SNCAIP: variants seen among roughly 807,000 people sequenced by gnomAD.
SNCAIP encodes the protein synphilin-1.
A neutral mutation model predicts 86.7 loss-of-function variants in SNCAIP; 43 were observed. That is an observed-to-expected ratio of 0.50 (90% CI 0.39 to 0.64). SNCAIP has a LOEUF of 0.64. Among genes scored for constraint, SNCAIP ranks in the 30% least tolerant of loss-of-function variants. The pLI, the probability that SNCAIP is intolerant of heterozygous loss-of-function variation, is 0.00. For missense variants in SNCAIP, 981 were observed against 1,103.1 expected (o/e 0.89, Z 1.57); for synonymous variants, 417 against 427.2 (o/e 0.98, Z 0.29).
chr5:122,462,453 A>G (rs963716507), intron 10 of SNCAIP, among the ~76,000 whole-genome samples: 3 of 152,158 alleles, frequency 2.0e-5, no homozygotes, highest in African/African-American at 7.2e-5. Flanking sequence ...ATCATGTTTA[A>G]TTGGAATCTC....
intron 10 of SNCAIP, among the ~76,000 whole-genome samples, chr5:122,457,800 C>T (rs1372140732): frequency 1.3e-5 from 2 of 152,170 alleles, no homozygotes; most frequent in African/African-American, 4.8e-5. Context: ...ATGAATTAAG[C>T]GACAGTTCCT....
intron 1 of SNCAIP, among the ~76,000 whole-genome samples, chr5:122,372,496 G>T (rs1199477783): frequency 2.6e-5 from 4 of 152,128 alleles, no homozygotes; most frequent in Non-Finnish European, 5.9e-5. Flanking sequence ...ACAAGCAAAT[G>T]CAGTAGAGGG....
rs938162566 is a variant in SNCAIP, at chr5:122,443,696, A to G, written c.1423-867A>G. On this transcript the variant is annotated intron_variant, in intron 7 of 10. Coordinates refer to ENST00000261368, the MANE Select transcript of SNCAIP (RefSeq NM_005460.4). ...AAGGACAAGAAGGAGGTATGAAGAG[A>G]AAAAGTCCGGTATCTCTTTGCTTAA... is the stretch of plus-strand genomic sequence containing the variant. The G allele has an allele frequency of 2.4e-5, 11 of 455,180 alleles. No individual in the cohort carries two copies. In the Admixed American group the frequency reaches 2.6e-4, roughly 11 times the overall value. 28.2% of individuals were successfully genotyped at this position (455,180 alleles called of 1,614,324 possible).
intron 1 of SNCAIP, among the ~76,000 whole-genome samples, chr5:122,343,852 A>G (rs1657061354): frequency 6.6e-6 from 1 of 152,224 alleles, no homozygotes; most frequent in Admixed American, 6.5e-5. Context: ...CTGGCTGAGA[A>G]CCAGTTCTTG....
chr5:122,332,446 C>G (rs985897257), intron 1 of SNCAIP, among the ~76,000 whole-genome samples: 1 of 152,188 alleles, frequency 6.6e-6, no homozygotes, highest in Admixed American at 6.6e-5. Context: ...TTGAAGCATA[C>G]CTGCCAAATC....
intron 1 of SNCAIP, among the ~76,000 whole-genome samples, chr5:122,367,934 A>C (rs960115557): frequency 6.6e-6 from 1 of 152,148 alleles, no homozygotes; most frequent in Non-Finnish European, 1.5e-5. Context: ...ACATAGGTCT[A>C]TATATATTTT....
chr5:122,377,794 GTTTTT>G (rs1395523236), intron 1 of SNCAIP, among the ~76,000 whole-genome samples: 69 of 147,736 alleles, frequency 4.7e-4, no homozygotes, highest in Non-Finnish European at 8.2e-4. Flanking sequence ...GCGGTGTTTG[GTTTTT>G]TGTTCTTGCG....
rs116828663 is a variant in SNCAIP, at chr5:122,340,078, C to T, written c.-47+27794C>T. 3.4e-3 allele frequency among the ~76,000 whole-genome samples: 514 copies of T among 152,284 alleles called. 5 individuals are homozygous for T. The highest frequency in any genetic ancestry group is 0.012 in the African/African-American group (495 of 41,564). On this transcript the variant is annotated intron_variant, in intron 1 of 10. Transcript: ENST00000261368. ...CAATATGTTATAGTCATCAGGCACT[C>T]ATAAATTGCCGTTACAAGCTGTTTA...
Position 122,444,550 on chromosome 5 carries a change from C to T in SNCAIP, c.1423-13C>T. The T allele has an allele frequency of 6.2e-7, 1 of 1,612,762 alleles. No individual in the cohort carries two copies. The highest frequency in any genetic ancestry group is 1.7e-4 in the Middle Eastern group (1 of 6,060). ...GAGATGTCCTGATACACATGTCCTTCATTTTCTGACAGACCTTGGTTGAAT... is the reference window on the plus strand; with the variant it reads ...GAGATGTCCTGATACACATGTCCTTTATTTTCTGACAGACCTTGGTTGAAT... On this transcript the variant is annotated splice_polypyrimidine_tract_variant and intron_variant, in intron 7 of 10. Coordinates refer to ENST00000261368, the MANE Select transcript of SNCAIP (RefSeq NM_005460.4).
At chr5:122,368,811 T>C (rs556912912) in intron 1 of SNCAIP, among the ~76,000 whole-genome samples, 1 of 152,288 alleles carries the variant, frequency 6.6e-6, no homozygotes, top group African/African-American at 2.4e-5. Flanking sequence ...CCATTCACTT[T>C]TAATTTGGGG....
intron 1 of SNCAIP, among the ~76,000 whole-genome samples, chr5:122,317,433 G>T (rs954585794): frequency 6.6e-6 from 1 of 152,186 alleles, no homozygotes; most frequent in Admixed American, 6.5e-5. Flanking sequence ...GAGAATTCAG[G>T]ATTAACTTTA....
intron 3 of SNCAIP, among the ~76,000 whole-genome samples, chr5:122,413,135 G>A (rs944077068): frequency 6.6e-6 from 1 of 152,206 alleles, no homozygotes; most frequent in African/African-American, 2.4e-5. Flanking sequence ...ATACTTCTCT[G>A]TAAAACCCCT....
intron 1 of SNCAIP, among the ~76,000 whole-genome samples, chr5:122,314,318 C>T (rs547322862): frequency 1.3e-5 from 2 of 152,314 alleles, no homozygotes; most frequent in Admixed American, 6.5e-5. Context: ...AGATTTAAGG[C>T]ATTTCTTGTC....
intron 1 of SNCAIP, chr5:122,321,202 A>G (rs993602917): frequency 1.3e-5 from 2 of 152,328 alleles, no homozygotes; most frequent in East Asian, 1.9e-4. Flanking sequence ...ATCTTACCCA[A>G]TATAGCCAAA....
At chr5:122,321,804 G>A (rs1455212223) in intron 1 of SNCAIP, 1 of 152,118 alleles carries the variant, frequency 6.6e-6, no homozygotes, top group African/African-American at 2.4e-5. Context: ...TGGACAGGAG[G>A]CATCTCCAGT....
At chr5:122,442,848 C>T (rs1211278885) in intron 7 of SNCAIP, among the ~76,000 whole-genome samples, 1 of 151,808 alleles carries the variant, frequency 6.6e-6, no homozygotes, top group Non-Finnish European at 1.5e-5. Flanking sequence ...GCACTGGGTA[C>T]CATGGAAGTG....
At chr5:122,427,019 C>CACAA (rs1777507201) in intron 5 of SNCAIP, among the ~76,000 whole-genome samples, 1 of 152,150 alleles carries the variant, frequency 6.6e-6, no homozygotes, top group Non-Finnish European at 1.5e-5. Flanking sequence ...TGACAGAGTT[C>CACAA]TGTAGACATC....
chr5:122,316,884 A>G (rs1051883347), intron 1 of SNCAIP, among the ~76,000 whole-genome samples: 1 of 152,204 alleles, frequency 6.6e-6, no homozygotes. Context: ...AGCTTCACAC[A>G]ATTAGTCTGA....
At chr5:122,456,960 T>C (rs1784897706) in intron 10 of SNCAIP, among the ~76,000 whole-genome samples, 1 of 152,090 alleles carries the variant, frequency 6.6e-6, no homozygotes, top group South Asian at 2.1e-4. Flanking sequence ...GACATTTGAG[T>C]TTTTGCTCAG....
Sources: allele counts gnomAD v4.1 joint callset (sites outside exome capture counted in the v4.1 genomes callset), GRCh38; gene constraint gnomAD v4.1.1; transcripts MANE v1.5; gene names NCBI Gene and HGNC (gene_info 2026-07-23, HGNC 2026-07-21).